PCDHA5: variants seen among roughly 807,000 people sequenced by gnomAD.
The protein encoded by PCDHA5 is protocadherin alpha 5, also known as protocadherin alpha-5.
PCDHA5 carries 43 observed loss-of-function variants against 61.6 expected under a neutral mutation model. The ratio of observed to expected loss-of-function variants is 0.70; its 90% CI spans 0.55 to 0.90. PCDHA5 has a LOEUF of 0.90. Among genes scored for constraint, PCDHA5 ranks in the 40% least tolerant of loss-of-function variants. The probability of loss-of-function intolerance (pLI) is 0.00; values close to 1 mark genes in which losing one functional copy is unlikely to be tolerated. For synonymous variants in PCDHA5, 627 were observed against 543.9 expected (o/e 1.15, Z -2.13); for missense variants, 1,298 against 1,222.7 (o/e 1.06, Z -0.92).
At chr5:140,988,698 A>G (rs1563551697) in intron 3 of PCDHA5, among the ~76,000 whole-genome samples, 1 of 152,116 alleles carries the variant, frequency 6.6e-6, no homozygotes, top group East Asian at 1.9e-4. Context: ...GACGCTCTGT[A>G]TTTTCTTGGA....
intron 1 of PCDHA5, among the ~76,000 whole-genome samples, chr5:140,892,460 C>T (rs1428598912): frequency 1.3e-5 from 2 of 152,102 alleles, no homozygotes; most frequent in African/African-American, 2.4e-5. Context: ...TCTTTAAGTA[C>T]GGTTATTCAG....
At chr5:140,838,892 G>A (rs2150293495) in intron 1 of PCDHA5, among the ~76,000 whole-genome samples, 5 of 151,826 alleles carry the variant, frequency 3.3e-5, no homozygotes, top group Non-Finnish European at 5.9e-5. Context: ...TCCAGCCTAG[G>A]TGACAGAGCA....
At chr5:140,966,971 C>G (rs375161984) in intron 1 of PCDHA5, 1 of 1,602,808 alleles carries the variant, frequency 6.2e-7, no homozygotes, top group Non-Finnish European at 8.5e-7. Flanking sequence ...GGGGCTTGAG[C>G]TGCGGCGCTT....
In PCDHA5 at chr5:140,823,068, G is replaced by A. The variant is rs2150121914; in HGVS notation, c.1293G>A (p.Ser431=). ...TGGTGACCGCGCGGGACGGGGGCTC[G>A]CCTTCGCTGTGGGCCACCGCCAGCG... The part of the protein sequence containing the change: ...ELVVTARDGG[S]PSLWATASVS... The change falls in exon 1 of 4, where the codon TCG becomes TCA. Residue 431 remains serine (S), a synonymous_variant. Transcript: ENST00000529859. 1.2e-6 allele frequency: 2 copies of A among 1,613,914 alleles called. No homozygotes were observed. The highest frequency in any genetic ancestry group is 1.7e-6 in the Non-Finnish European group (2 of 1,180,046).
At chr5:140,875,580 C>G (rs1381718234) in intron 1 of PCDHA5, 7 of 1,613,958 alleles carry the variant, frequency 4.3e-6, no homozygotes, top group Admixed American at 1.7e-5. Context: ...ACTCCGTCTA[C>G]GAGGAGGCCA....
At chr5:140,998,380 A>G (rs921989792) in intron 3 of PCDHA5, among the ~76,000 whole-genome samples, 2 of 152,188 alleles carry the variant, frequency 1.3e-5, no homozygotes, top group African/African-American at 4.8e-5. Context: ...GTCTCTAGAA[A>G]GTTTAATGCC....
At position 141,011,314 on chromosome 5, in the gene PCDHA5, T is replaced by G. The variant is rs1269900647; in HGVS notation, c.*1377T>G. 2.0e-5 allele frequency: 3 copies of G among 153,782 alleles called. No homozygotes were observed. Among genetic ancestry groups the G allele is most frequent in the Non-Finnish European group, 4.4e-5 (3 of 68,040 alleles). 9.5% of individuals were successfully genotyped at this position (153,782 alleles called of 1,614,324 possible). On this transcript the variant is annotated 3_prime_UTR_variant, in exon 4 of 4. Coordinates refer to ENST00000529859, the MANE Select transcript of PCDHA5 (RefSeq NM_018908.3). ...CTATAACACTCTGAATTGCTAATCT[T>G]ACTAACACCTATGATGTTACCTGAA...
At chr5:140,966,914 G>A in intron 1 of PCDHA5, 1 of 1,602,270 alleles carries the variant, frequency 6.2e-7, no homozygotes, top group Non-Finnish European at 8.5e-7. Context: ...CTCTGTGCCA[G>A]AGGAGCAGGC....
chr5:140,935,710 A>C (rs551291942), intron 1 of PCDHA5, among the ~76,000 whole-genome samples: 1 of 152,272 alleles, frequency 6.6e-6, no homozygotes, highest in South Asian at 2.1e-4. Context: ...TATAAAACAA[A>C]ATATATTTAG....
At chr5:140,856,537 G>C (rs782543512) in intron 1 of PCDHA5, 2 of 1,598,372 alleles carry the variant, frequency 1.3e-6, no homozygotes, top group East Asian at 4.5e-5. Context: ...ATGTTGGAGA[G>C]AACGCATTGC....
chr5:140,835,858 A>G (rs1773990824), intron 1 of PCDHA5: 1 of 1,612,030 alleles, frequency 6.2e-7, no homozygotes, highest in South Asian at 1.1e-5. Context: ...CTGGTGTCCT[A>G]CTCGCTGGTG....
intron 1 of PCDHA5, among the ~76,000 whole-genome samples, chr5:140,894,883 A>ACC (rs1407725642): frequency 6.6e-6 from 1 of 152,200 alleles, no homozygotes; most frequent in African/African-American, 2.4e-5. Flanking sequence ...TTTAGAAGAA[A>ACC]CAGACCAGGA....
rs2150350021 is a variant in PCDHA5 at position 140,843,009 on chromosome 5, C to G, written c.2352+18882C>G. The G allele has an allele frequency of 1.9e-6, 3 of 1,595,058 alleles. 1 individual carries two copies. Among genetic ancestry groups the G allele is most frequent in the Non-Finnish European group, 2.6e-6 (3 of 1,165,480 alleles). Reference sequence around the variant, plus strand: ...GTGCTGGACGAGAATGACAACGCGCCGGCACTGCTGGAGCCTCGGGTGGGT... The same window carrying G: ...GTGCTGGACGAGAATGACAACGCGCGGGCACTGCTGGAGCCTCGGGTGGGT... On this transcript the variant is annotated intron_variant, in intron 1 of 3. Coordinates refer to ENST00000529859, the MANE Select transcript of PCDHA5 (RefSeq NM_018908.3).
chr5:140,880,822 A>T (rs893258483), intron 1 of PCDHA5, among the ~76,000 whole-genome samples: 2 of 152,206 alleles, frequency 1.3e-5, no homozygotes, highest in Non-Finnish European at 2.9e-5. Flanking sequence ...GAGTGTCTGG[A>T]AGGGCATATT....
chr5:140,836,495 C>A (rs1318424263), intron 1 of PCDHA5: 4 of 1,613,766 alleles, frequency 2.5e-6, no homozygotes, highest in South Asian at 2.2e-5. Context: ...TCATCGCCAT[C>A]TGCGCGGTGT....
Position 140,884,307 on chromosome 5 carries a change from C to T in PCDHA5, c.2352+60180C>T, listed in dbSNP as rs144612735. 3,633 of 1,613,724 alleles carry T rather than the reference C, an allele frequency of 2.3e-3. 15 individuals are homozygous for T. The highest frequency in any genetic ancestry group is 9.6e-3 in the Middle Eastern group (58 of 6,062). Reference sequence around the variant, plus strand: ...AGCGGCCAAGCGCCACAGGCTTCGTCGAGGGCGTCGGCAGGCGCTGTGGGT... The same window carrying T: ...AGCGGCCAAGCGCCACAGGCTTCGTTGAGGGCGTCGGCAGGCGCTGTGGGT... On this transcript the variant is annotated intron_variant, in intron 1 of 3. Transcript: ENST00000529859.
chr5:140,842,157 A>C, intron 1 of PCDHA5: 1 of 1,613,874 alleles, frequency 6.2e-7, no homozygotes, highest in Non-Finnish European at 8.5e-7. Flanking sequence ...GCAATTTCAT[A>C]TTCTTTTAAT....
At chr5:140,857,386 C>A in intron 1 of PCDHA5, 2 of 1,598,422 alleles carry the variant, frequency 1.3e-6, no homozygotes, top group Non-Finnish European at 1.7e-6. Flanking sequence ...AGGTGGCCGA[C>A]GTGAACGACA....
At position 140,876,007 on chromosome 5, in the gene PCDHA5, G is replaced by A. The variant is rs1177191662; in HGVS notation, c.2352+51880G>A. 9 of 1,613,658 alleles carry A rather than the reference G, an allele frequency of 5.6e-6. No individual in the cohort carries two copies. Among genetic ancestry groups the A allele is most frequent in the Non-Finnish European group, 7.6e-6 (9 of 1,179,880 alleles). ...TGCGTTAAGTCTAAATGAGAATTTTGAGCTTAAAATAAAAACAAAAAAAGA... is the reference window on the plus strand; with the variant it reads ...TGCGTTAAGTCTAAATGAGAATTTTAAGCTTAAAATAAAAACAAAAAAAGA... On this transcript the variant is annotated intron_variant, in intron 1 of 3. Transcript: ENST00000529859.
Sources: gnomAD v4.1 joint callset for allele counts (sites outside exome capture counted in the v4.1 genomes callset) on GRCh38, gnomAD v4.1.1 for gene constraint, MANE v1.5 for transcripts, NCBI Gene and HGNC (gene_info 2026-07-23, HGNC 2026-07-21) for gene names.